SMAP1: variants seen among roughly 807,000 people sequenced by gnomAD.
SMAP1 encodes the protein stromal membrane-associated protein 1.
A neutral mutation model predicts 58.5 loss-of-function variants in SMAP1; 24 were observed. That is an observed-to-expected ratio of 0.41 (90% confidence interval 0.30 to 0.58). SMAP1 has a LOEUF of 0.58. Ranked by LOEUF, SMAP1 falls within the 20% of genes least tolerant of loss-of-function variation. SMAP1 has a pLI of 0.29. For missense variants in SMAP1, 563 were observed against 566.3 expected (o/e 0.99, Z 0.06); for synonymous variants, 216 against 196.6 (o/e 1.10, Z -0.82).
At chr6:70,684,392 G>A (rs898322480) in intron 1 of SMAP1, among the ~76,000 whole-genome samples, 1 of 152,136 alleles carries the variant, frequency 6.6e-6, no homozygotes, top group South Asian at 2.1e-4. Flanking sequence ...ATTTTAAGCT[G>A]ATTTTTTTAA....
At chr6:70,698,401 C>T (rs1767497474) in intron 1 of SMAP1, among the ~76,000 whole-genome samples, 1 of 152,016 alleles carries the variant, frequency 6.6e-6, no homozygotes, top group South Asian at 2.1e-4. Context: ...AAATCTGTAA[C>T]CTCTCTGTGC....
At chr6:70,744,045 A>G (rs1765919055) in intron 2 of SMAP1, among the ~76,000 whole-genome samples, 1 of 152,216 alleles carries the variant, frequency 6.6e-6, no homozygotes, top group African/African-American at 2.4e-5. Flanking sequence ...CAGTAATACT[A>G]ATAGTTTTTT....
At chr6:70,819,451 A>T (rs944832947) in intron 6 of SMAP1, among the ~76,000 whole-genome samples, 1 of 152,152 alleles carries the variant, frequency 6.6e-6, no homozygotes, top group Non-Finnish European at 1.5e-5. Flanking sequence ...CATTCAAAGG[A>T]TGTTTCCTGT....
Position 70,860,343 on chromosome 6 carries a change from A to C in SMAP1, c.*9A>C, listed in dbSNP as rs1202304810. ...CACAACTGTGGAAATGAAAACTGCA[A>C]TACAAGTTTCATCCAGAACTACCAC... On this transcript the variant is annotated 3_prime_UTR_variant, in exon 11 of 11. Transcript: ENST00000370455. The C allele has an allele frequency of 6.2e-7, 1 of 1,602,266 alleles. No individual in the cohort carries two copies. Among genetic ancestry groups the C allele is most frequent in the Admixed American group, 1.7e-5 (1 of 57,306 alleles).
chr6:70,861,696 C>T lies in SMAP1; in HGVS notation c.*1362C>T, dbSNP rs1771736755. On this transcript the variant is annotated 3_prime_UTR_variant, in exon 11 of 11. Transcript: ENST00000370455. ...CAATTTTCACTGTGTCCAGGTGGTA[C>T]TTTGGCTCGTTGGCTAGATTAACCT... The T allele has an allele frequency of 1.9e-6, 3 of 1,614,064 alleles. No homozygotes were observed. The African/African-American group carries it at 4.0e-5, about 22-fold the overall frequency.
intron 3 of SMAP1, among the ~76,000 whole-genome samples, chr6:70,766,712 T>C (rs1767005076): frequency 6.6e-6 from 1 of 152,190 alleles, no homozygotes; most frequent in African/African-American, 2.4e-5. Context: ...TTCACTCTGA[T>C]GGTAGTTTCT....
intron 2 of SMAP1, among the ~76,000 whole-genome samples, chr6:70,741,175 C>T (rs1440542622): frequency 6.6e-6 from 1 of 152,130 alleles, no homozygotes; most frequent in Non-Finnish European, 1.5e-5. Flanking sequence ...CCAGCAGGCC[C>T]CCAAAGTCTT....
chr6:70,807,467 G>A (rs925101480), intron 6 of SMAP1, among the ~76,000 whole-genome samples: 2 of 152,056 alleles, frequency 1.3e-5, no homozygotes, highest in African/African-American at 4.8e-5. Flanking sequence ...GTCATTCACT[G>A]GACATTTCTA....
intron 3 of SMAP1, among the ~76,000 whole-genome samples, chr6:70,767,611 C>A (rs1177313752): frequency 6.6e-6 from 1 of 150,828 alleles, no homozygotes; most frequent in Non-Finnish European, 1.5e-5. Context: ...TATCCTGAGA[C>A]TTTGCTGAAG....
In SMAP1 at chr6:70,774,250, G is replaced by A. The variant is rs976738386; in HGVS notation, c.414+825G>A. Among the ~76,000 whole-genome samples, 6 of 152,118 alleles carry A rather than the reference G, an allele frequency of 3.9e-5. No homozygotes were observed. In the South Asian group the frequency reaches 1.2e-3, roughly 32 times the overall value. ...TGTATCCCAATTGTTAAATGACACA[G>A]GACTGTTATGTTTTATCAGCTGTTT... On this transcript the variant is annotated intron_variant, in intron 4 of 10. Coordinates refer to ENST00000370455, the MANE Select transcript of SMAP1 (RefSeq NM_001044305.3).
intron 3 of SMAP1, among the ~76,000 whole-genome samples, chr6:70,764,666 A>G (rs1204984427): frequency 1.3e-5 from 2 of 152,198 alleles, no homozygotes; most frequent in Non-Finnish European, 2.9e-5. Context: ...AATTTTTTTC[A>G]AAGTATTACT....
At chr6:70,708,313 G>A (rs528998794) in intron 1 of SMAP1, among the ~76,000 whole-genome samples, 1 of 152,156 alleles carries the variant, frequency 6.6e-6, no homozygotes, top group East Asian at 1.9e-4. Flanking sequence ...TTTCCCCCAA[G>A]GCCGAATTAT....
In SMAP1 at chr6:70,750,011, T is replaced by C. The variant is rs954881561; in HGVS notation, c.253-4969T>C. Among the ~76,000 whole-genome samples, 3 of 152,364 alleles carry C rather than the reference T, an allele frequency of 2.0e-5. No individual in the cohort carries two copies. The South Asian group carries it at 6.2e-4, about 32-fold the overall frequency. On this transcript the variant is annotated intron_variant, in intron 2 of 10. Transcript: ENST00000370455. ...TTTTCAGGGGAATGCATTATTAATT[T>C]GGAATTTCAGGTGGTATGTCATTTA...
intron 6 of SMAP1, among the ~76,000 whole-genome samples, chr6:70,824,443 G>A (rs951224653): frequency 3.3e-5 from 5 of 151,958 alleles, no homozygotes; most frequent in African/African-American, 1.2e-4. Context: ...TACCGTTAAA[G>A]GTACTAAAAT....
At position 70,811,089 on chromosome 6, in the gene SMAP1, TAAC is replaced by T. The variant is rs565068602; in HGVS notation, c.576+12355_576+12357del. Among the ~76,000 whole-genome samples, 27 of 152,278 alleles carry T rather than the reference TAAC, an allele frequency of 1.8e-4. 2 individuals carry two copies. In the South Asian group the frequency reaches 5.6e-3, roughly 32 times the overall value. On this transcript the variant is annotated intron_variant, in intron 6 of 10. Transcript: ENST00000370455. Reference sequence around the variant, plus strand: ...CTTTTAAAAGCCTTTTGAAAAATATTAACAAACTACTAAAAGATGCAGATAGAA... The same window carrying T: ...CTTTTAAAAGCCTTTTGAAAAATATTAAACTACTAAAAGATGCAGATAGAA...
intron 8 of SMAP1, among the ~76,000 whole-genome samples, chr6:70,856,178 A>T (rs966479793): frequency 6.6e-6 from 1 of 152,200 alleles, no homozygotes; most frequent in Non-Finnish European, 1.5e-5. Context: ...TAAGGTTAGC[A>T]GTTGTGATTG....
intron 1 of SMAP1, among the ~76,000 whole-genome samples, chr6:70,704,711 CAA>C (rs1228769023): frequency 6.6e-6 from 1 of 152,080 alleles, no homozygotes; most frequent in Non-Finnish European, 1.5e-5. Flanking sequence ...TTACTGATAT[CAA>C]AGACATTAAG....
chr6:70,802,204 G>T (rs936536676), intron 6 of SMAP1, among the ~76,000 whole-genome samples: 3 of 152,160 alleles, frequency 2.0e-5, no homozygotes, highest in African/African-American at 7.2e-5. Context: ...GCAGTGGTTT[G>T]TAGTTCTCCT....
Position 70,832,869 on chromosome 6 carries a change from G to A in SMAP1, c.577-4072G>A, listed in dbSNP as rs749015784. Reference sequence around the variant, plus strand: ...TCCACCTTTCAACACTGTTACACTGGGATTACATTTCCAACATGTGAATTT... The same window carrying A: ...TCCACCTTTCAACACTGTTACACTGAGATTACATTTCCAACATGTGAATTT... On this transcript the variant is annotated intron_variant, in intron 6 of 10. Coordinates refer to ENST00000370455, the MANE Select transcript of SMAP1 (RefSeq NM_001044305.3). Among the ~76,000 whole-genome samples, 31 of 151,998 alleles carry A rather than the reference G, an allele frequency of 2.0e-4. 1 individual carries two copies. The highest frequency in any genetic ancestry group is 1.0e-3 in the Admixed American group (16 of 15,254).
Sources: gnomAD v4.1 joint callset for allele counts (sites outside exome capture counted in the v4.1 genomes callset) on GRCh38, gnomAD v4.1.1 for gene constraint, MANE v1.5 for transcripts, NCBI Gene and HGNC (gene_info 2026-07-23, HGNC 2026-07-21) for gene names.